Variants in RASA2 observed in about 807,000 individuals in gnomAD.
The protein encoded by RASA2 is ras GTPase-activating protein 2.
In RASA2, 155 loss-of-function variants were observed where a neutral mutation model predicts 118.2. The ratio of observed to expected loss-of-function variants is 1.31; its 90% CI spans 1.15 to 1.50. The LOEUF is 1.50. RASA2 is among the 40% of genes most tolerant of loss of function. RASA2 has a pLI of 0.00. For synonymous variants in RASA2, 353 were observed against 349.1 expected, an observed-to-expected ratio of 1.01 and a Z score of -0.12; for missense variants, 1,016 against 1,009.6, an observed-to-expected ratio of 1.01 and a Z score of -0.09.
chr3:141,488,695 TC>T (rs2081606392), intron 1 of RASA2, among the ~76,000 whole-genome samples: 1 of 152,248 alleles, frequency 6.6e-6, no homozygotes, highest in Non-Finnish European at 1.5e-5. Context: ...ATTTATTTTT[TC>T]TTTTTTCTGT....
At chr3:141,530,798 A>G (rs1294134911) in intron 4 of RASA2, among the ~76,000 whole-genome samples, 2 of 152,126 alleles carry the variant, frequency 1.3e-5, no homozygotes, top group Non-Finnish European at 2.9e-5. Context: ...ATGTTTTAAT[A>G]TTCTTGTCTT....
rs1477172706 is a variant in RASA2, at chr3:141,610,405, TATATATTTATATTTATA to T, written c.2519+340_2519+356del. On this transcript the variant is annotated intron_variant, in intron 23 of 23. Transcript: ENST00000286364. ...ATATTATATATTTATATTTATATAT[TATATATTTATATTTATA>T]TATTATATATTTATATTTATATATT... Among the ~76,000 whole-genome samples the T allele has an allele frequency of 1.7e-3, 171 of 100,332 alleles. 6 individuals carry two copies. The highest frequency in any genetic ancestry group is 1.2e-3 in the Non-Finnish European group (60 of 50,404). The allele number at this position is 100,332 out of a possible 152,430, so 65.8% of individuals were successfully genotyped here. A position where few individuals can be genotyped will look rare whatever the true frequency, so the allele number is the denominator to read the frequency against.
At chr3:141,590,284 A>G in intron 19 of RASA2, 1 of 401,306 alleles carries the variant, frequency 2.5e-6, no homozygotes, top group South Asian at 1.8e-5. Context: ...CTCCGCAGCT[A>G]AATGCCTTGG....
At chr3:141,496,450 A>G (rs1396357272) in intron 1 of RASA2, among the ~76,000 whole-genome samples, 1 of 152,264 alleles carries the variant, frequency 6.6e-6, no homozygotes, top group African/African-American at 2.4e-5. Context: ...AGAATCTACA[A>G]AGAACTCAAA....
chr3:141,612,289 T>A lies in RASA2; in HGVS notation c.2526T>A (p.Asn842Lys). 1 of 1,588,654 alleles carries A rather than the reference T, an allele frequency of 6.3e-7. No individual in the cohort carries two copies. Among genetic ancestry groups the A allele is most frequent in the East Asian group, 2.2e-5 (1 of 44,552 alleles). Residue 842 changes from asparagine (N) to lysine (K), a missense_variant, in exon 24 of 24, where the codon AAT becomes AAA. Physicochemically the swap from Asn to Lys is moderately conservative, Grantham distance 94. This residue lies in a region of RASA2 where 120 missense variants were observed against 173.2 expected (regional missense o/e 0.69). Transcript: ENST00000286364. ...SSSAKYGSKENPIVGKAS is the reference protein window; with the variant it reads ...SSSAKYGSKEKPIVGKAS ...GACTTTTTTTCTTCTCTAGGGAAAATCCAATTGTTGGGAAAGCATCTTAGA... is the reference window on the plus strand; with the variant it reads ...GACTTTTTTTCTTCTCTAGGGAAAAACCAATTGTTGGGAAAGCATCTTAGA...
chr3:141,503,036 T>C (rs1483323262), intron 1 of RASA2, among the ~76,000 whole-genome samples: 2 of 152,212 alleles, frequency 1.3e-5, no homozygotes, highest in Non-Finnish European at 2.9e-5. Context: ...TTTTTTTTCT[T>C]AATTTATGAA....
In RASA2 at chr3:141,611,216, A is replaced by T. The variant is rs187552524; in HGVS notation, c.2520-1067A>T. On this transcript the variant is annotated intron_variant, in intron 23 of 23. Coordinates refer to ENST00000286364, the MANE Select transcript of RASA2 (RefSeq NM_006506.5). ...AGCAGCTCAGCACTGTCATCAAGGA[A>T]CACCTGCCACTCAGCCAACCTCAAC... Among the ~76,000 whole-genome samples, 300 of 152,240 alleles carry T rather than the reference A, an allele frequency of 2.0e-3. 1 individual carries two copies. The highest frequency in any genetic ancestry group is 6.9e-3 in the African/African-American group (288 of 41,542).
intron 19 of RASA2, among the ~76,000 whole-genome samples, chr3:141,604,151 G>GTC: frequency 6.6e-6 from 1 of 152,280 alleles, no homozygotes; most frequent in African/African-American, 2.4e-5. Context: ...AGGAGGTAAT[G>GTC]ACAACTTTAA....
At chr3:141,558,179 C>T (rs1358240683) in intron 7 of RASA2, among the ~76,000 whole-genome samples, 36 of 152,300 alleles carry the variant, frequency 2.4e-4, no homozygotes, top group Admixed American at 1.8e-3. Context: ...AAATCTAGCC[C>T]TGTCCGCCTC....
intron 1 of RASA2, among the ~76,000 whole-genome samples, chr3:141,500,088 C>T (rs1019271417): frequency 3.9e-5 from 6 of 152,222 alleles, no homozygotes; most frequent in African/African-American, 1.2e-4. Flanking sequence ...TACTATTTCT[C>T]ATTCTCTGTC....
chr3:141,569,042 A>C (rs1398316031), intron 9 of RASA2, among the ~76,000 whole-genome samples: 2 of 152,136 alleles, frequency 1.3e-5, no homozygotes, highest in African/African-American at 2.4e-5. Flanking sequence ...ATACTAATAA[A>C]AGACATATAT....
chr3:141,505,864 G>A (rs1034443066), intron 1 of RASA2, among the ~76,000 whole-genome samples: 1 of 152,036 alleles, frequency 6.6e-6, no homozygotes, highest in Non-Finnish European at 1.5e-5. Context: ...TTTTATTTAA[G>A]ATATGTATGA....
At chr3:141,568,146 A>G (rs981642995) in intron 9 of RASA2, among the ~76,000 whole-genome samples, 3 of 152,220 alleles carry the variant, frequency 2.0e-5, no homozygotes, top group African/African-American at 7.2e-5. Flanking sequence ...TTATATTCAT[A>G]AATACCTCTC....
At chr3:141,595,926 G>C (rs77463390) in intron 19 of RASA2, among the ~76,000 whole-genome samples, 2,142 of 152,282 alleles carry the variant, frequency 0.014, 65 homozygotes, top group African/African-American at 0.049. Context: ...GCCTGTACTT[G>C]AATATTTTAA....
chr3:141,566,954 T>G (rs2082829384), intron 9 of RASA2, among the ~76,000 whole-genome samples: 3 of 152,140 alleles, frequency 2.0e-5, no homozygotes. Context: ...AATAAAATCG[T>G]GGGTTCAAAC....
intron 1 of RASA2, among the ~76,000 whole-genome samples, chr3:141,510,337 G>A (rs1384245382): frequency 6.6e-6 from 1 of 152,120 alleles, no homozygotes; most frequent in Non-Finnish European, 1.5e-5. Context: ...GCCCATACTT[G>A]TGTATGTCCT....
At chr3:141,548,975 T>C (rs931035159) in intron 5 of RASA2, among the ~76,000 whole-genome samples, 7 of 152,206 alleles carry the variant, frequency 4.6e-5, no homozygotes, top group Non-Finnish European at 1.0e-4. Context: ...GAGAAAATCA[T>C]GTAGGCTGAT....
chr3:141,517,519 T>G (rs1246318446), intron 3 of RASA2, among the ~76,000 whole-genome samples: 1 of 152,184 alleles, frequency 6.6e-6, no homozygotes, highest in African/African-American at 2.4e-5. Context: ...CTCACTGTCA[T>G]GAGAGCAGCA....
intron 19 of RASA2, among the ~76,000 whole-genome samples, chr3:141,600,940 A>G (rs1020246640): frequency 3.5e-4 from 54 of 152,342 alleles, no homozygotes; most frequent in East Asian, 7.7e-4. Flanking sequence ...TAGGTTTAGG[A>G]TAAGAGAGAA....
Sources: gnomAD v4.1 joint callset for allele counts (sites outside exome capture counted in the v4.1 genomes callset) on GRCh38, gnomAD v4.1.1 for gene constraint, gnomAD v4.1.1 regional missense constraint, MANE v1.5 for transcripts, NCBI Gene and HGNC (gene_info 2026-07-23, HGNC 2026-07-21) for gene names.